Variants in TMEM17 observed in about 807,000 individuals in gnomAD.
TMEM17 encodes transmembrane protein 17.
TMEM17 carries 15 observed loss-of-function variants against 19.1 expected under a neutral mutation model. The observed-to-expected ratio is 0.78, with a 90% CI of 0.52 to 1.21. The LOEUF (loss-of-function observed/expected upper bound fraction) is 1.21, where lower values mean the gene tolerates loss of function less well. Ranked by LOEUF, TMEM17 falls within the 50% of genes most tolerant of loss-of-function variation. The probability of loss-of-function intolerance (pLI) is 0.00; values close to 1 mark genes in which losing one functional copy is unlikely to be tolerated. For missense variants in TMEM17, 245 were observed against 242.3 expected, an observed-to-expected ratio of 1.01 and a Z score of -0.07; for synonymous variants, 103 against 86.9, an observed-to-expected ratio of 1.19 and a Z score of -1.03.
the TMEM17 span, among the ~76,000 whole-genome samples, chr2:62,492,674 A>G: frequency 2.0e-5 from 3 of 152,256 alleles, no homozygotes; most frequent in Admixed American, 2.0e-4. Flanking sequence ...TAAGTGCATA[A>G]GCACTGTCAT....
chr2:62,477,912 G>C, the TMEM17 span, among the ~76,000 whole-genome samples: 5 of 152,194 alleles, frequency 3.3e-5, no homozygotes, highest in Non-Finnish European at 7.3e-5. Flanking sequence ...TCATGTAGTG[G>C]CAGCTCCTGG....
chr2:62,502,301 G>T, intron 3 of TMEM17, 136 bp downstream of exon 3: 1 of 547,740 alleles, frequency 1.8e-6, no homozygotes. Flanking sequence ...AGACCACAGT[G>T]ACAGAAGTGG....
downstream of TMEM17, among the ~76,000 whole-genome samples, chr2:62,500,051 G>A (rs1425409565): frequency 6.6e-6 from 1 of 152,192 alleles, no homozygotes; most frequent in Admixed American, 6.5e-5. Context: ...CAGTTCTTTG[G>A]TGAACAAGAA....
chr2:62,461,049 G>A, the TMEM17 span, among the ~76,000 whole-genome samples: 5 of 152,166 alleles, frequency 3.3e-5, no homozygotes, highest in Non-Finnish European at 7.3e-5. Context: ...GAGACAGACT[G>A]GGACCCAGAG....
chr2:62,458,016 CAGA>C, the TMEM17 span, among the ~76,000 whole-genome samples: 1 of 152,178 alleles, frequency 6.6e-6, no homozygotes, highest in Non-Finnish European at 1.5e-5. Flanking sequence ...AGCTGGGTGG[CAGA>C]AGATGGGGGA....
At chr2:62,461,757 C>A in the TMEM17 span, among the ~76,000 whole-genome samples, 1 of 152,216 alleles carries the variant, frequency 6.6e-6, no homozygotes, top group Non-Finnish European at 1.5e-5. Flanking sequence ...GTGATTCAGA[C>A]TGAAAACCTC....
intron 3 of TMEM17, 119 bp downstream of exon 3, chr2:62,502,318 T>C: frequency 1.7e-6 from 1 of 591,514 alleles, no homozygotes; most frequent in Non-Finnish European, 3.0e-6. Context: ...GTGGTAAAGC[T>C]GGAGTCAGGC....
the TMEM17 span, among the ~76,000 whole-genome samples, chr2:62,479,438 T>G: frequency 6.6e-6 from 1 of 152,232 alleles, no homozygotes; most frequent in Admixed American, 6.5e-5. Flanking sequence ...GTATTCCTGA[T>G]GTATATATAC....
the TMEM17 span, among the ~76,000 whole-genome samples, chr2:62,466,244 G>T: frequency 7.9e-5 from 12 of 152,258 alleles, no homozygotes; most frequent in East Asian, 1.9e-3. Flanking sequence ...TGGTAGTGGT[G>T]GGGGAGGGGT....
intron 1 of TMEM17, 146 bp from the exon 2 acceptor site, chr2:62,502,940 A>T: frequency 2.4e-6 from 1 of 423,804 alleles, no homozygotes. Flanking sequence ...TGACAGTAAA[A>T]GGAATATTCA....
the TMEM17 span, among the ~76,000 whole-genome samples, chr2:62,465,554 C>T: frequency 5.9e-5 from 9 of 151,560 alleles, no homozygotes; most frequent in Non-Finnish European, 8.8e-5. Context: ...AGGAGGATCG[C>T]TTGAGCTCAG....
At chr2:62,484,580 G>A in the TMEM17 span, among the ~76,000 whole-genome samples, 1 of 152,116 alleles carries the variant, frequency 6.6e-6, no homozygotes, top group Non-Finnish European at 1.5e-5. Context: ...CCAATTACAT[G>A]CAGTGCACCC....
chr2:62,469,090 T>C, the TMEM17 span, among the ~76,000 whole-genome samples: 1 of 152,232 alleles, frequency 6.6e-6, no homozygotes, highest in African/African-American at 2.4e-5. Flanking sequence ...ATGCATTTGA[T>C]GATATTTCAG....
chr2:62,476,443 C>T, the TMEM17 span, among the ~76,000 whole-genome samples: 3 of 152,098 alleles, frequency 2.0e-5, no homozygotes, highest in East Asian at 1.9e-4. Context: ...AAGACAGGAG[C>T]GGGAGGCTAT....
At chr2:62,496,251 T>C (rs546913418), downstream of TMEM17, among the ~76,000 whole-genome samples, 2 of 152,332 alleles carry the variant, frequency 1.3e-5, no homozygotes, top group East Asian at 1.9e-4. Flanking sequence ...AATTTGGCAA[T>C]ATGCCCTTAA....
At chr2:62,481,102 A>T in the TMEM17 span, among the ~76,000 whole-genome samples, 1 of 151,782 alleles carries the variant, frequency 6.6e-6, no homozygotes, top group Non-Finnish European at 1.5e-5. Flanking sequence ...TCTTTAATTT[A>T]TTTCATCAGT....
At position 62,500,932 on chromosome 2, in the gene TMEM17, C is replaced by G. The variant is rs1308441768; in HGVS notation, c.*277G>C. 4.2e-5 allele frequency: 12 copies of G among 284,748 alleles called. No individual in the cohort carries two copies. The highest frequency in any genetic ancestry group is 4.6e-5 in the Non-Finnish European group (7 of 153,632). 17.6% of individuals were successfully genotyped at this position (284,748 alleles called of 1,614,324 possible). A position where few individuals can be genotyped will look rare whatever the true frequency, so the allele number is the denominator to read the frequency against. On this transcript the variant is annotated 3_prime_UTR_variant, in exon 4 of 4. Coordinates refer to ENST00000335390, the MANE Select transcript of TMEM17 (RefSeq NM_198276.3). ...CTACGAGAGAGCTGGCAAATGACAA[C>G]CACCAATACATAGATTTCTACACTC...
the TMEM17 span, among the ~76,000 whole-genome samples, chr2:62,477,085 A>G: frequency 6.6e-6 from 1 of 152,142 alleles, no homozygotes; most frequent in African/African-American, 2.4e-5. Context: ...GAGCAACTGC[A>G]GCTTAATCCC....
the TMEM17 span, among the ~76,000 whole-genome samples, chr2:62,467,157 A>G: frequency 1.3e-5 from 2 of 151,952 alleles, no homozygotes; most frequent in Non-Finnish European, 2.9e-5. Context: ...TCCCATTTAA[A>G]CAATTTCAAC....
Sources: gnomAD v4.1 joint callset for allele counts (sites outside exome capture counted in the v4.1 genomes callset) on GRCh38, gnomAD v4.1.1 for gene constraint, MANE v1.5 for transcripts, NCBI Gene and HGNC (gene_info 2026-07-23, HGNC 2026-07-21) for gene names.